MAP2: variants seen among roughly 807,000 people sequenced by gnomAD.
MAP2 encodes the protein microtubule-associated protein 2.
In MAP2, 14 loss-of-function variants were observed where a neutral mutation model predicts 137.6. That is an observed-to-expected ratio of 0.10 (90% CI 0.07 to 0.16). MAP2 has a LOEUF of 0.16. Among genes scored for constraint, MAP2 ranks in the 10% least tolerant of loss-of-function variants. MAP2 has a pLI of 1.00. For synonymous variants in MAP2, 786 were observed against 782.3 expected, an observed-to-expected ratio of 1.00 and a Z score of -0.08; for missense variants, 2,088 against 2,191.5, an observed-to-expected ratio of 0.95 and a Z score of 0.94.
chr2:209,603,206 A>G (rs756467080), intron 3 of MAP2, among the ~76,000 whole-genome samples: 46 of 152,286 alleles, frequency 3.0e-4, no homozygotes, highest in South Asian at 1.0e-3. Context: ...TTTAGGGGGA[A>G]AAGAAACCCC....
chr2:209,719,002 T>C lies in MAP2; in HGVS notation c.5074-6707T>C, dbSNP rs1008646394. Among the ~76,000 whole-genome samples the C allele has an allele frequency of 2.6e-5, 4 of 152,290 alleles. No individual in the cohort carries two copies. In the South Asian group the frequency reaches 8.3e-4, roughly 32 times the overall value. ...TTTATAGAGGCGAAATAGTTTTCCT[T>C]AAAATGAATATTATGAAATAAAAAA... is the stretch of plus-strand genomic sequence containing the variant. On this transcript the variant is annotated intron_variant, in intron 13 of 15. Coordinates refer to ENST00000682079, the MANE Select transcript of MAP2 (RefSeq NM_001375505.1).
chr2:209,475,049 A>G (rs192024479), intron 1 of MAP2, among the ~76,000 whole-genome samples: 3 of 152,156 alleles, frequency 2.0e-5, no homozygotes, highest in Admixed American at 6.5e-5. Flanking sequence ...TATGAAGAGG[A>G]ATGAGTTTTA....
At position 209,696,171 on chromosome 2, in the gene MAP2, A is replaced by G. The variant is rs142643213; in HGVS notation, c.4001A>G (p.Glu1334Gly). The G allele has an allele frequency of 4.5e-5, 73 of 1,612,628 alleles. 1 individual carries two copies. Among genetic ancestry groups the G allele is most frequent in the Non-Finnish European group, 5.2e-5 (61 of 1,179,526 alleles). Residue 1334 changes from glutamate (E) to glycine (G), a missense_variant, in exon 8 of 16, where the codon GAA becomes GGA. Coordinates refer to ENST00000682079, the MANE Select transcript of MAP2 (RefSeq NM_001375505.1). ...CATGATGAAGAAGAGTTTGAAGTAG[A>G]AGAGGCAGCTGAAGCCCAGGCAGAA... The part of the protein sequence containing the change: ...SPHDEEEFEV[E>G]EAAEAQAEPK...
intron 2 of MAP2, among the ~76,000 whole-genome samples, chr2:209,527,754 C>T (rs1039559301): frequency 5.9e-5 from 9 of 152,118 alleles, no homozygotes; most frequent in Non-Finnish European, 1.3e-4. Context: ...CACATGGGTA[C>T]TTGTTAGAAA....
At chr2:209,571,391 G>A (rs1181895649) in intron 2 of MAP2, among the ~76,000 whole-genome samples, 2 of 151,788 alleles carry the variant, frequency 1.3e-5, no homozygotes, top group East Asian at 1.9e-4. Context: ...ACAGTATTCC[G>A]ATTTCTTTCT....
At chr2:209,651,292 C>T (rs1346375894) in intron 4 of MAP2, among the ~76,000 whole-genome samples, 2 of 152,142 alleles carry the variant, frequency 1.3e-5, no homozygotes, top group Admixed American at 1.3e-4. Context: ...ATGTCTGGTA[C>T]ATTTACCATG....
intron 3 of MAP2, among the ~76,000 whole-genome samples, chr2:209,614,940 T>C (rs1005400984): frequency 7.9e-5 from 12 of 152,176 alleles, no homozygotes; most frequent in African/African-American, 2.9e-4. Context: ...CTAGAGCTTT[T>C]AGCTTTTCAT....
At chr2:209,490,379 A>G (rs2058930530) in intron 1 of MAP2, among the ~76,000 whole-genome samples, 1 of 152,056 alleles carries the variant, frequency 6.6e-6, no homozygotes. Flanking sequence ...TAATGGCCAA[A>G]ATAACCAGGT....
chr2:209,498,231 G>A (rs993280723), intron 1 of MAP2, among the ~76,000 whole-genome samples: 4 of 152,214 alleles, frequency 2.6e-5, no homozygotes, highest in Non-Finnish European at 5.9e-5. Flanking sequence ...AAACTTTAAA[G>A]CTCCAAAATA....
intron 7 of MAP2, chr2:209,690,912 C>G (rs2058670758): frequency 8.3e-7 from 1 of 1,201,328 alleles, no homozygotes; most frequent in Non-Finnish European, 1.1e-6. Flanking sequence ...GCTTACCAAC[C>G]TGATGCCTTT....
rs141831720 is a variant in MAP2 at position 209,528,260 on chromosome 2, C to T, written c.-172+20619C>T. 7.9e-5 allele frequency among the ~76,000 whole-genome samples: 12 copies of T among 152,224 alleles called. No homozygotes were observed. The East Asian group carries it at 2.3e-3, about 29-fold the overall frequency. Reference sequence around the variant, plus strand: ...CCTAGAACCTGTTGTAGGTGAGCCACAGCTCTTCAGGACAAATACTCAAAA... The same window carrying T: ...CCTAGAACCTGTTGTAGGTGAGCCATAGCTCTTCAGGACAAATACTCAAAA... On this transcript the variant is annotated intron_variant, in intron 2 of 15. Coordinates refer to ENST00000682079, the MANE Select transcript of MAP2 (RefSeq NM_001375505.1).
chr2:209,656,017 C>T (rs2095119344), intron 5 of MAP2, among the ~76,000 whole-genome samples: 1 of 152,152 alleles, frequency 6.6e-6, no homozygotes, highest in Non-Finnish European at 1.5e-5. Flanking sequence ...ATGCAATCGT[C>T]ATCTTCTTCC....
At chr2:209,442,941 G>A (rs975120481) in intron 1 of MAP2, among the ~76,000 whole-genome samples, 2 of 151,432 alleles carry the variant, frequency 1.3e-5, no homozygotes, top group Non-Finnish European at 3.0e-5. Context: ...CTGAAATATA[G>A]CATTTGATTT....
At chr2:209,533,140 A>G (rs2065391115) in intron 2 of MAP2, among the ~76,000 whole-genome samples, 1 of 151,660 alleles carries the variant, frequency 6.6e-6, no homozygotes, top group African/African-American at 2.4e-5. Flanking sequence ...TTTATTTTAT[A>G]ATTTATTTTT....
chr2:209,485,088 A>G (rs918280911), intron 1 of MAP2, among the ~76,000 whole-genome samples: 2 of 152,200 alleles, frequency 1.3e-5, no homozygotes, highest in Admixed American at 6.5e-5. Flanking sequence ...GAGCGTGTCT[A>G]TAGTTTCTTT....
rs2091951368 is a variant in MAP2 at position 209,624,656 on chromosome 2, C to A, written c.-106-397C>A. 2.0e-5 allele frequency among the ~76,000 whole-genome samples: 3 copies of A among 152,180 alleles called. 1 individual carries two copies. The South Asian group carries it at 6.2e-4, about 32-fold the overall frequency. On this transcript the variant is annotated intron_variant, in intron 3 of 15. Coordinates refer to ENST00000682079, the MANE Select transcript of MAP2 (RefSeq NM_001375505.1). ...ATGCAGACTGGGCTGGAGGCCCAGT[C>A]CTTTAAAGATTACTGGATATAATTA...
At position 209,424,060 on chromosome 2, in the gene MAP2, C is replaced by CGCTCGGGCT. The variant is rs1261309806; in HGVS notation, c.-435_-427dup. On this transcript the variant is annotated 5_prime_UTR_variant, in exon 1 of 16. Transcript: ENST00000682079. ...GGCGCCGCTCTCAGTCTGGGGCGGG[C>CGCTCGGGCT]GCTCGGGCTGCGCGGGCTCTGGGCA... The CGCTCGGGCT allele has an allele frequency of 6.3e-6, 1 of 157,950 alleles. No homozygotes were observed. The highest frequency in any genetic ancestry group is 1.9e-4 in the East Asian group (1 of 5,360). The allele number at this position is 157,950 out of a possible 1,614,324, so 9.8% of individuals were successfully genotyped here.
At chr2:209,528,835 T>C (rs1335181283) in intron 2 of MAP2, among the ~76,000 whole-genome samples, 1 of 151,228 alleles carries the variant, frequency 6.6e-6, no homozygotes, top group Non-Finnish European at 1.5e-5. Context: ...TGTACATATG[T>C]ATGTATATAT....
intron 1 of MAP2, among the ~76,000 whole-genome samples, chr2:209,449,600 A>G (rs1161928097): frequency 6.6e-6 from 1 of 152,182 alleles, no homozygotes; most frequent in East Asian, 1.9e-4. Context: ...AGAGCAAATT[A>G]AGCATAAAAT....
Sources: allele counts gnomAD v4.1 joint callset (sites outside exome capture counted in the v4.1 genomes callset), GRCh38; gene constraint gnomAD v4.1.1; transcripts MANE v1.5; gene names NCBI Gene and HGNC (gene_info 2026-07-23, HGNC 2026-07-21).